The following NAV1 variants were observed in gnomAD, a reference collection of about 807,000 sequenced individuals.
The protein encoded by NAV1 is neuron navigator 1.
NAV1 carries 18 observed loss-of-function variants against 175.2 expected under a neutral mutation model. The observed-to-expected ratio is 0.10, with a 90% CI of 0.07 to 0.15. NAV1 has a LOEUF of 0.15. Among genes scored for constraint, NAV1 ranks in the 10% least tolerant of loss-of-function variants. The pLI is 1.00. For synonymous variants in NAV1, 897 were observed against 978.7 expected (o/e 0.92, Z 1.56); for missense variants, 1,731 against 2,436.6 (o/e 0.71, Z 6.10).
At chr1:201,588,578 C>G (rs1333612922) in exon 2 of NAV1, among the ~76,000 whole-genome samples, 1 of 149,650 alleles carries the variant, frequency 6.7e-6, no homozygotes, top group Non-Finnish European at 1.5e-5. Context: ...GGTCTGAACT[C>G]CTAGCCTCAA....
chr1:201,560,700 T>G lies in NAV1; in HGVS notation c.-144+21358T>G, dbSNP rs75235081. Among the ~76,000 whole-genome samples the G allele has an allele frequency of 9.1e-3, 1,391 of 152,336 alleles. 11 individuals carry two copies. The highest frequency in any genetic ancestry group is 0.014 in the Middle Eastern group (4 of 294). The stretch of plus-strand genomic sequence containing the variant: ...CACTGTTCCCGTGGAAAGACACTGA[T>G]GTTTGTACAGATGTGCATCTCTGTT... On this transcript the variant is annotated intron_variant, in intron 1 of 33. Transcript: ENST00000685211.
At chr1:201,686,297 G>C (rs1038000485) in intron 1 of NAV1, among the ~76,000 whole-genome samples, 1 of 141,280 alleles carries the variant, frequency 7.1e-6, no homozygotes, top group South Asian at 2.2e-4. Context: ...TGCCCCCTCA[G>C]TATTCCATCC....
intron 1 of NAV1, among the ~76,000 whole-genome samples, chr1:201,625,615 G>T (rs1668307306): frequency 1.3e-5 from 2 of 152,208 alleles, no homozygotes; most frequent in South Asian, 4.1e-4. Flanking sequence ...GCTGATGAGA[G>T]AACTCAAGAA....
At chr1:201,579,621 G>A (rs1277372716) in intron 1 of NAV1, among the ~76,000 whole-genome samples, 1 of 152,286 alleles carries the variant, frequency 6.6e-6, no homozygotes, top group South Asian at 2.1e-4. Context: ...CTCTCAAAAC[G>A]CTGGGATTAC....
chr1:201,788,280 C>G lies in NAV1; in HGVS notation c.2996-188C>G, dbSNP rs1676893960. ...AGGGCTTGATCTCCCCAGGAGGGAC[C>G]CCGCTCCTAACCACCAGCTGCTTGC... On this transcript the variant is annotated intron_variant, in intron 9 of 29. Coordinates refer to ENST00000367296, the Ensembl canonical transcript of NAV1. This position sits in a 1 kb window ranked among gnomAD's most constrained non-coding sequence, Gnocchi z 5.7. Among the ~76,000 whole-genome samples, 2 of 152,068 alleles carry G rather than the reference C, an allele frequency of 1.3e-5. No homozygotes were observed. Among genetic ancestry groups the G allele is most frequent in the Non-Finnish European group, 2.9e-5 (2 of 68,006 alleles).
chr1:201,823,368 G>GTGTA lies in NAV1; in HGVS notation c.*3439_*3440insATGT, dbSNP rs201293776. 982 of 116,514 alleles carry GTGTA rather than the reference G, an allele frequency of 8.4e-3. 16 individuals are homozygous for GTGTA. Among genetic ancestry groups the GTGTA allele is most frequent in the East Asian group, 0.037 (179 of 4,874 alleles). 7.2% of individuals were successfully genotyped at this position (116,514 alleles called of 1,614,324 possible). A position where few individuals can be genotyped will look rare whatever the true frequency, so the allele number is the denominator to read the frequency against. ...AATGTGGGACCTGATGTCTGCGTGT[G>GTGTA]TGTGTGTGTGTGTGTGTGTGTGTGT... On this transcript the variant is annotated 3_prime_UTR_variant, in exon 30 of 30. Transcript: ENST00000367296.
chr1:201,757,863 C>G (rs1222611832), intron 3 of NAV1, among the ~76,000 whole-genome samples: 1 of 152,194 alleles, frequency 6.6e-6, no homozygotes, highest in South Asian at 2.1e-4. Flanking sequence ...AGCCTAGTTG[C>G]GGTGGAATGA....
intron 3 of NAV1, among the ~76,000 whole-genome samples, chr1:201,752,971 C>T (rs1053601800): frequency 6.6e-5 from 10 of 152,064 alleles, no homozygotes; most frequent in African/African-American, 2.4e-4. Flanking sequence ...TATTGGAAAT[C>T]TTCACATTAG....
Position 201,669,002 on chromosome 1 carries a change from G to C in NAV1, c.757+19577G>C, listed in dbSNP as rs560028774. Among the ~76,000 whole-genome samples, 13 of 152,314 alleles carry C rather than the reference G, an allele frequency of 8.5e-5. 2 individuals carry two copies. Among genetic ancestry groups the C allele is most frequent in the African/African-American group, 3.1e-4 (13 of 41,558 alleles). On this transcript the variant is annotated intron_variant, in intron 1 of 29. Transcript: ENST00000367296. ...AATGGCCTAAGCGTGGCTGGACCTA[G>C]GGTAGGAAAAGAATGGAAGGTAGCT...
chr1:201,740,127 C>G lies in NAV1; in HGVS notation c.1226+21372C>G. 1 of 1,391,040 alleles carries G rather than the reference C, an allele frequency of 7.2e-7. No individual in the cohort carries two copies. The highest frequency in any genetic ancestry group is 1.6e-5 in the South Asian group (1 of 61,192). The allele number at this position is 1,391,040 out of a possible 1,614,324, so 86.2% of individuals were successfully genotyped here. On this transcript the variant is annotated intron_variant, in intron 3 of 29. Transcript: ENST00000367296. This position sits in a 1 kb window ranked among gnomAD's most constrained non-coding sequence, Gnocchi z 4.7. ...CACCGCCAGACCGCAGAGCTGGGGT[C>G]GGGTTTGTGGCACCCCCAGCCCCGC...
At chr1:201,734,422 A>T (rs547182275) in intron 3 of NAV1, among the ~76,000 whole-genome samples, 1 of 148,342 alleles carries the variant, frequency 6.7e-6, no homozygotes, top group South Asian at 2.1e-4. Flanking sequence ...AAAGAAAAAA[A>T]GAAGAAGAAG....
chr1:201,734,499 G>GA (rs1673016206), intron 3 of NAV1, among the ~76,000 whole-genome samples: 16 of 121,044 alleles, frequency 1.3e-4, no homozygotes, highest in Non-Finnish European at 1.8e-4. Context: ...GAAGGAGAAG[G>GA]AGAAGAAGAA....
rs576199590 is a variant in NAV1 at position 201,713,616 on chromosome 1, A to T, written c.860+697A>T. ...CTTGCTGGCTCCTTGGACTGCCCAG[A>T]TGAGCTCATGCTGTCAGCTCCAAGT... On this transcript the variant is annotated intron_variant, in intron 2 of 29. Coordinates refer to ENST00000367296, the Ensembl canonical transcript of NAV1. 2.0e-5 allele frequency among the ~76,000 whole-genome samples: 3 copies of T among 152,354 alleles called. No homozygotes were observed. The East Asian group carries it at 5.8e-4, about 29-fold the overall frequency.
intron 1 of NAV1, among the ~76,000 whole-genome samples, chr1:201,624,588 C>T (rs897346052): frequency 7.2e-5 from 11 of 151,984 alleles, no homozygotes; most frequent in Admixed American, 2.0e-4. Context: ...CCTCGTGATC[C>T]GCCCACCTCA....
At chr1:201,592,212 C>G (rs1667220506) in intron 2 of NAV1, among the ~76,000 whole-genome samples, 1 of 152,246 alleles carries the variant, frequency 6.6e-6, no homozygotes. Context: ...CTCTCACTGC[C>G]TCCCGCTAGC....
intron 7 of NAV1, among the ~76,000 whole-genome samples, chr1:201,784,893 G>A (rs1050112552): frequency 5.3e-5 from 8 of 151,778 alleles, no homozygotes; most frequent in South Asian, 2.1e-4. Context: ...TCAGCCTCCC[G>A]AGTAGCTGGG....
upstream of NAV1, among the ~76,000 whole-genome samples, chr1:201,644,504 C>T (rs984546937): frequency 1.3e-5 from 2 of 152,168 alleles, no homozygotes; most frequent in East Asian, 3.9e-4. Context: ...CAGAAACTTC[C>T]TGGATGCCAA....
exon 2 of NAV1, chr1:201,712,883 C>A (rs780389013): frequency 2.5e-6 from 4 of 1,613,970 alleles, no homozygotes; most frequent in South Asian, 1.1e-5. Context: ...CTGGAAGAGA[C>A]CATGTCCAGC....
chr1:201,813,071 G>C lies in NAV1; in HGVS notation c.5222-69G>C. On this transcript the variant is annotated intron_variant, in intron 27 of 29. Transcript: ENST00000367296. This position sits in a 1 kb window ranked among gnomAD's most constrained non-coding sequence, Gnocchi z 4.2. ...AGACCCCTCTGCCTGGTACTAAGGA[G>C]TAAAAGAGGCACACAACCGGGAAGA... The C allele has an allele frequency of 8.6e-7, 1 of 1,161,308 alleles. No homozygotes were observed. Among genetic ancestry groups the C allele is most frequent in the South Asian group, 1.3e-5 (1 of 77,872 alleles). The allele number at this position is 1,161,308 out of a possible 1,614,324, so 71.9% of individuals were successfully genotyped here. A position where few individuals can be genotyped will look rare whatever the true frequency, so the allele number is the denominator to read the frequency against.
Sources: gnomAD v4.1 joint callset for allele counts (sites outside exome capture counted in the v4.1 genomes callset) on GRCh38, gnomAD v4.1.1 for gene constraint, Gnocchi (gnomAD v3.1) non-coding constraint, MANE v1.5 for transcripts, NCBI Gene and HGNC (gene_info 2026-07-23, HGNC 2026-07-21) for gene names.